Variants in PCDHGB1 observed in about 807,000 individuals in gnomAD.
PCDHGB1 encodes protocadherin gamma-B1.
PCDHGB1 carries 34 observed loss-of-function variants against 56.6 expected under a neutral mutation model. The observed-to-expected ratio is 0.60, with a 90% CI of 0.46 to 0.80. The LOEUF is 0.80. Among genes scored for constraint, PCDHGB1 ranks in the 30% least tolerant of loss-of-function variants. The pLI is 0.00. For synonymous variants in PCDHGB1, 561 were observed against 505.9 expected, an observed-to-expected ratio of 1.11 and a Z score of -1.46; for missense variants, 1,278 against 1,204.6, an observed-to-expected ratio of 1.06 and a Z score of -0.90.
chr5:141,382,825 G>C, intron 1 of PCDHGB1: 1 of 1,337,416 alleles, frequency 7.5e-7, no homozygotes, highest in Non-Finnish European at 1.0e-6. Flanking sequence ...CTAAGACAGA[G>C]GGGTCCACCC....
intron 1 of PCDHGB1, among the ~76,000 whole-genome samples, chr5:141,450,616 A>G (rs2098687684): frequency 6.6e-6 from 1 of 151,486 alleles, no homozygotes; most frequent in African/African-American, 2.4e-5. Flanking sequence ...CCTCCTGAGT[A>G]GCTGGGATTA....
intron 1 of PCDHGB1, among the ~76,000 whole-genome samples, chr5:141,438,517 T>G (rs975190211): frequency 6.7e-6 from 1 of 148,384 alleles, no homozygotes; most frequent in Non-Finnish European, 1.5e-5. Context: ...AAACCAATTA[T>G]TTTACATGGA....
intron 1 of PCDHGB1, chr5:141,400,023 C>T (rs755667675): frequency 1.1e-5 from 18 of 1,612,872 alleles, no homozygotes; most frequent in Non-Finnish European, 1.3e-5. Context: ...GCGACAGGGA[C>T]GCGGCCCGCC....
intron 1 of PCDHGB1, among the ~76,000 whole-genome samples, chr5:141,484,740 GA>G (rs1047805396): frequency 6.6e-6 from 1 of 150,760 alleles, no homozygotes; most frequent in Non-Finnish European, 1.5e-5. Context: ...GGTGTGTTAG[GA>G]AAAAAAATGT....
chr5:141,399,008 G>GC, intron 1 of PCDHGB1: 1 of 1,613,904 alleles, frequency 6.2e-7, no homozygotes, highest in Non-Finnish European at 8.5e-7. Flanking sequence ...AATTCAAAGA[G>GC]CGGAGAAATT....
In PCDHGB1 at chr5:141,350,155, G is replaced by T; in HGVS notation, c.-106G>T. The T allele has an allele frequency of 1.0e-6, 1 of 998,930 alleles. No individual in the cohort carries two copies. The highest frequency in any genetic ancestry group is 1.4e-6 in the Non-Finnish European group (1 of 727,254). The allele number at this position is 998,930 out of a possible 1,614,324, so 61.9% of individuals were successfully genotyped here. The stretch of plus-strand genomic sequence containing the variant: ...AGACGCTGCTCCTGTTCACCCTCGA[G>T]CGCCTAACTAATAAGTCCTAAGCTC... On this transcript the variant is annotated 5_prime_UTR_variant, in exon 1 of 4. Coordinates refer to ENST00000523390, the MANE Select transcript of PCDHGB1 (RefSeq NM_018922.3).
intron 1 of PCDHGB1, chr5:141,414,054 G>A: frequency 6.2e-7 from 1 of 1,610,250 alleles, no homozygotes; most frequent in Non-Finnish European, 8.5e-7. Flanking sequence ...ACACGCAATT[G>A]TTGAAGTTCC....
intron 1 of PCDHGB1, chr5:141,365,029 C>T (rs1361601199): frequency 6.8e-6 from 11 of 1,613,864 alleles, no homozygotes; most frequent in Non-Finnish European, 9.3e-6. Context: ...TTACGGTCCT[C>T]GACGCAAACG....
chr5:141,392,013 G>A (rs980520094), intron 1 of PCDHGB1: 1 of 152,108 alleles, frequency 6.6e-6, no homozygotes, highest in African/African-American at 2.4e-5. Context: ...AATGGTAAAA[G>A]CATTTATCCT....
intron 1 of PCDHGB1, chr5:141,428,232 G>C (rs546567556): frequency 9.3e-7 from 1 of 1,071,494 alleles, no homozygotes; most frequent in African/African-American, 1.5e-5. Context: ...CAGACAGCCT[G>C]CAGGAGGCAC....
At chr5:141,384,266 C>T in intron 1 of PCDHGB1, 1 of 1,613,876 alleles carries the variant, frequency 6.2e-7, no homozygotes. Context: ...CCCCACTCAT[C>T]CTACTCAGTC....
At chr5:141,391,973 G>A (rs1461017619) in intron 1 of PCDHGB1, 2 of 152,056 alleles carry the variant, frequency 1.3e-5, no homozygotes, top group Non-Finnish European at 2.9e-5. Context: ...AAATAAAATA[G>A]CAAAACAATG....
intron 1 of PCDHGB1, among the ~76,000 whole-genome samples, chr5:141,454,170 G>A (rs2098782662): frequency 6.6e-6 from 1 of 152,162 alleles, no homozygotes; most frequent in Admixed American, 6.5e-5. Context: ...TCTCTAGAAG[G>A]GCAGCTAAAG....
At chr5:141,500,809 A>G (rs1018522111) in intron 2 of PCDHGB1, among the ~76,000 whole-genome samples, 1 of 152,324 alleles carries the variant, frequency 6.6e-6, no homozygotes, top group African/African-American at 2.4e-5. Context: ...CCTCATATGA[A>G]TATACATATT....
chr5:141,405,106 C>T, intron 1 of PCDHGB1: 1 of 1,613,964 alleles, frequency 6.2e-7, no homozygotes, highest in South Asian at 1.1e-5. Context: ...GGCTGAGGCA[C>T]TGGCACTCCT....
At chr5:141,376,051 C>T in intron 1 of PCDHGB1, 1 of 1,613,344 alleles carries the variant, frequency 6.2e-7, no homozygotes, top group South Asian at 1.1e-5. Context: ...CTCTCTCCGC[C>T]ACTGTCACGC....
At chr5:141,414,183 A>C in intron 1 of PCDHGB1, 1 of 1,609,508 alleles carries the variant, frequency 6.2e-7, no homozygotes, top group Non-Finnish European at 8.5e-7. Flanking sequence ...CAACTGCAAA[A>C]GTGTTGATTA....
chr5:141,433,115 G>T, intron 1 of PCDHGB1: 1 of 1,613,762 alleles, frequency 6.2e-7, no homozygotes, highest in Non-Finnish European at 8.5e-7. Context: ...GGAGAGCTTT[G>T]AAAAAAGCGA....
chr5:141,404,759 T>C, intron 1 of PCDHGB1: 2 of 1,613,632 alleles, frequency 1.2e-6, no homozygotes, highest in Non-Finnish European at 1.7e-6. Flanking sequence ...CCAGAATGCT[T>C]GGCTCTCCTA....
Sources: gnomAD v4.1 joint callset for allele counts (sites outside exome capture counted in the v4.1 genomes callset) on GRCh38, gnomAD v4.1.1 for gene constraint, MANE v1.5 for transcripts, NCBI Gene and HGNC (gene_info 2026-07-23, HGNC 2026-07-21) for gene names.